SPAG16: variants seen among roughly 807,000 people sequenced by gnomAD.
The protein encoded by SPAG16 is sperm-associated antigen 16 protein.
Under a neutral mutation model 80.4 loss-of-function variants are expected in SPAG16, and 86 were observed. The observed-to-expected ratio is 1.07, with a 90% CI of 0.90 to 1.28. The LOEUF (loss-of-function observed/expected upper bound fraction) is 1.28, where lower values mean the gene tolerates loss of function less well. Ranked by LOEUF, SPAG16 falls within the 50% of genes most tolerant of loss-of-function variation. The pLI, the probability that SPAG16 is intolerant of heterozygous loss-of-function variation, is 0.00. For missense variants in SPAG16, 870 were observed against 765.3 expected (o/e 1.14, Z -1.61); for synonymous variants, 294 against 265.9 (o/e 1.11, Z -1.03).
intron 10 of SPAG16, among the ~76,000 whole-genome samples, chr2:213,787,349 A>G (rs186899333): frequency 3.3e-5 from 5 of 152,242 alleles, no homozygotes; most frequent in Non-Finnish European, 7.4e-5. Context: ...GATATAAATA[A>G]ATAGACCAAG....
intron 12 of SPAG16, among the ~76,000 whole-genome samples, chr2:214,009,003 G>T (rs2047162309): frequency 6.6e-6 from 1 of 152,092 alleles, no homozygotes; most frequent in African/African-American, 2.4e-5. Flanking sequence ...TCTGAGATAT[G>T]CAGTAAATTA....
intron 10 of SPAG16, among the ~76,000 whole-genome samples, chr2:213,556,907 A>G (rs890660991): frequency 1.3e-5 from 2 of 152,090 alleles, no homozygotes; most frequent in Admixed American, 1.3e-4. Context: ...TTTTTTGAAG[A>G]TGTTCTTTCT....
chr2:213,725,174 A>C (rs543098069), intron 10 of SPAG16, among the ~76,000 whole-genome samples: 1 of 152,156 alleles, frequency 6.6e-6, no homozygotes, highest in East Asian at 1.9e-4. Context: ...CTGGGACCTC[A>C]GGTGTGTACC....
chr2:213,602,237 A>T (rs2061092891), intron 10 of SPAG16, among the ~76,000 whole-genome samples: 1 of 152,226 alleles, frequency 6.6e-6, no homozygotes, highest in Admixed American at 6.5e-5. Context: ...TGTCTGCACA[A>T]TGACAAAATC....
chr2:214,190,505 A>G (rs1442291347), intron 15 of SPAG16, among the ~76,000 whole-genome samples: 1 of 152,148 alleles, frequency 6.6e-6, no homozygotes, highest in East Asian at 1.9e-4. Context: ...TATACAATTG[A>G]TAGCTCAAAT....
chr2:214,308,061 CT>C (rs1263511359), intron 15 of SPAG16, among the ~76,000 whole-genome samples: 2 of 151,700 alleles, frequency 1.3e-5, no homozygotes, highest in African/African-American at 2.4e-5. Flanking sequence ...CTTTATGAAT[CT>C]GGGTCCTCCT....
chr2:213,293,408 A>G (rs2062375724), intron 1 of SPAG16, among the ~76,000 whole-genome samples: 1 of 152,208 alleles, frequency 6.6e-6, no homozygotes, highest in Non-Finnish European at 1.5e-5. Flanking sequence ...GACCCATGTA[A>G]CCAGTGGGAT....
chr2:213,820,505 C>CT (rs925124194), intron 10 of SPAG16, among the ~76,000 whole-genome samples: 3 of 151,970 alleles, frequency 2.0e-5, no homozygotes, highest in South Asian at 2.1e-4. Context: ...TTAAAAAGTG[C>CT]TTTTTCAGTT....
chr2:213,902,484 A>G (rs1180020256), intron 11 of SPAG16, among the ~76,000 whole-genome samples: 2 of 152,170 alleles, frequency 1.3e-5, no homozygotes, highest in Admixed American at 6.5e-5. Flanking sequence ...ACCCCTAATA[A>G]AACCATCAGA....
At chr2:214,175,214 G>A (rs1357438171) in intron 15 of SPAG16, among the ~76,000 whole-genome samples, 1 of 114,136 alleles carries the variant, frequency 8.8e-6, no homozygotes. Context: ...TATATATAAA[G>A]AAATGTGTGT....
At chr2:213,561,498 A>G (rs1421279211) in intron 10 of SPAG16, among the ~76,000 whole-genome samples, 1 of 152,158 alleles carries the variant, frequency 6.6e-6, no homozygotes, top group Non-Finnish European at 1.5e-5. Flanking sequence ...ATAATCACTC[A>G]TTGTATGCCT....
At chr2:214,242,265 T>C (rs1446686003) in intron 15 of SPAG16, among the ~76,000 whole-genome samples, 1 of 152,174 alleles carries the variant, frequency 6.6e-6, no homozygotes, top group East Asian at 1.9e-4. Context: ...GTCAGGCACC[T>C]ACTCATTCCC....
intron 9 of SPAG16, among the ~76,000 whole-genome samples, chr2:213,386,047 TATC>T (rs2067412847): frequency 6.6e-6 from 1 of 152,184 alleles, no homozygotes; most frequent in African/African-American, 2.4e-5. Flanking sequence ...CACAAATAAC[TATC>T]ATATTTCACA....
intron 6 of SPAG16, among the ~76,000 whole-genome samples, chr2:213,346,061 C>G (rs1337731534): frequency 2.6e-5 from 4 of 152,128 alleles, no homozygotes; most frequent in Admixed American, 2.6e-4. Flanking sequence ...TTTCCTTGAG[C>G]AGTGGTTTTT....
chr2:213,897,614 A>T (rs1559563223), intron 11 of SPAG16, among the ~76,000 whole-genome samples: 4 of 151,682 alleles, frequency 2.6e-5, no homozygotes, highest in African/African-American at 9.7e-5. Flanking sequence ...TCATCTGCCT[A>T]TATTGGTCTC....
chr2:213,684,967 A>C (rs1352522676), intron 10 of SPAG16, among the ~76,000 whole-genome samples: 4 of 152,204 alleles, frequency 2.6e-5, no homozygotes, highest in African/African-American at 9.6e-5. Flanking sequence ...GTCTGTGATA[A>C]GGGGGTTTAC....
intron 11 of SPAG16, among the ~76,000 whole-genome samples, chr2:213,876,473 T>G (rs1185856699): frequency 6.6e-6 from 1 of 152,132 alleles, no homozygotes; most frequent in Non-Finnish European, 1.5e-5. Context: ...AGAGCCTCCT[T>G]GTGGAGAAAG....
intron 15 of SPAG16, among the ~76,000 whole-genome samples, chr2:214,198,815 G>T (rs999709437): frequency 6.6e-6 from 1 of 151,790 alleles, no homozygotes; most frequent in Non-Finnish European, 1.5e-5. Flanking sequence ...GTAATGTGGT[G>T]CCTTATTATG....
intron 13 of SPAG16, among the ~76,000 whole-genome samples, chr2:214,059,202 A>ATGTATGTG (rs1242295539): frequency 1.9e-4 from 20 of 107,332 alleles, no homozygotes; most frequent in Non-Finnish European, 3.5e-4. Context: ...ATATATATAT[A>ATGTATGTG]TATATATATA....
Sources: allele counts gnomAD v4.1 joint callset (sites outside exome capture counted in the v4.1 genomes callset), GRCh38; gene constraint gnomAD v4.1.1; transcripts MANE v1.5; gene names NCBI Gene and HGNC (gene_info 2026-07-23, HGNC 2026-07-21).